ADAMTS16: variants seen among roughly 807,000 people sequenced by gnomAD.
The protein encoded by ADAMTS16 is A disintegrin and metalloproteinase with thrombospondin motifs 16.
Under a neutral mutation model 145.8 loss-of-function variants are expected in ADAMTS16, and 94 were observed. The ratio of observed to expected loss-of-function variants is 0.64; its 90% confidence interval spans 0.55 to 0.77. The LOEUF is 0.77. ADAMTS16 is among the 30% of genes least tolerant of loss of function. The pLI is 0.00. For missense variants in ADAMTS16, 1,585 were observed against 1,591.5 expected (o/e 1.00, Z 0.07); for synonymous variants, 659 against 604.3 (o/e 1.09, Z -1.33).
chr5:5,148,913 T>C (rs1336821646), intron 3 of ADAMTS16, among the ~76,000 whole-genome samples: 3 of 152,074 alleles, frequency 2.0e-5, no homozygotes, highest in Non-Finnish European at 4.4e-5. Context: ...TCTGCGTGCC[T>C]TGCTGGTAGG....
chr5:5,179,736 G>A (rs982493467), intron 3 of ADAMTS16, among the ~76,000 whole-genome samples: 1 of 152,100 alleles, frequency 6.6e-6, no homozygotes, highest in African/African-American at 2.4e-5. Flanking sequence ...TCAATCCTGG[G>A]CATAAATTCT....
chr5:5,279,901 TTTTCTTTTC>T (rs1349705838), intron 18 of ADAMTS16, among the ~76,000 whole-genome samples: 7 of 48,468 alleles, frequency 1.4e-4, no homozygotes, highest in East Asian at 1.2e-3. Flanking sequence ...TCCTTCTTTC[TTTTCTTTTC>T]TTTCTTTATT....
At chr5:5,309,827 CGTGTGT>C (rs35723690) in intron 21 of ADAMTS16, among the ~76,000 whole-genome samples, 2,556 of 146,924 alleles carry the variant, frequency 0.017, 39 homozygotes, top group Non-Finnish European at 0.027. Flanking sequence ...GTCATGTCCT[CGTGTGT>C]GTGTGTGTGT....
intron 18 of ADAMTS16, among the ~76,000 whole-genome samples, chr5:5,266,882 C>T (rs941942967): frequency 6.6e-6 from 1 of 152,182 alleles, no homozygotes; most frequent in Non-Finnish European, 1.5e-5. Context: ...GACCATAATA[C>T]AATTATTGAA....
Position 5,140,359 on chromosome 5 carries a change from G to T in ADAMTS16, c.-109G>T, listed in dbSNP as rs560728790. 2 of 1,129,982 alleles carry T rather than the reference G, an allele frequency of 1.8e-6. No homozygotes were observed. Among genetic ancestry groups the T allele is most frequent in the South Asian group, 1.8e-5 (1 of 55,828 alleles). 70.0% of individuals were successfully genotyped at this position (1,129,982 alleles called of 1,614,324 possible). ...ATAACCCCGGCGCGGCGGCGGAGTCGCTGTGGGGAATCCTCCCGCGCTCTG... is the reference window on the plus strand; with the variant it reads ...ATAACCCCGGCGCGGCGGCGGAGTCTCTGTGGGGAATCCTCCCGCGCTCTG... On this transcript the variant is annotated 5_prime_UTR_variant, in exon 1 of 23. Transcript: ENST00000274181.
intron 3 of ADAMTS16, among the ~76,000 whole-genome samples, chr5:5,164,837 C>A (rs1035172512): frequency 1.3e-5 from 2 of 151,944 alleles, no homozygotes; most frequent in African/African-American, 2.4e-5. Context: ...CCACCACGCC[C>A]GGCTAATTTT....
At chr5:5,164,329 CA>C in intron 3 of ADAMTS16, among the ~76,000 whole-genome samples, 1 of 152,310 alleles carries the variant, frequency 6.6e-6, no homozygotes, top group African/African-American at 2.4e-5. Context: ...GAAAGGGAAA[CA>C]AAGACTCTTG....
At chr5:5,236,826 C>A in intron 13 of ADAMTS16, 143 bp from the exon 14 acceptor site, 3 of 1,030,502 alleles carry the variant, frequency 2.9e-6, no homozygotes, top group African/African-American at 1.6e-5. Context: ...ATGAGGCAAC[C>A]ATTAAAAATG....
chr5:5,303,536 C>T (rs922056261), intron 19 of ADAMTS16, 36 bp from the exon 20 acceptor site: 1 of 1,609,262 alleles, frequency 6.2e-7, no homozygotes, highest in African/African-American at 1.3e-5. Context: ...TTGCACATGG[C>T]CCTCACTGGG....
At position 5,303,379 on chromosome 5, in the gene ADAMTS16, C is replaced by T; in HGVS notation, c.2901C>T (p.Ala967=). The change falls in exon 19 of 23, where the codon GCC becomes GCT. Residue 967 remains alanine, a synonymous_variant. Coordinates refer to ENST00000274181, the MANE Select transcript of ADAMTS16 (RefSeq NM_139056.4). ...RVHYDSEPVP[A]SLCPQPAPSS... is the part of the protein sequence containing the mutation. Reference sequence around the variant, plus strand: ...ACTATGACTCGGAGCCAGTCCCGGCCAGCCTGTGCCCTCAGCCTGCTCCCT... The same window carrying T: ...ACTATGACTCGGAGCCAGTCCCGGCTAGCCTGTGCCCTCAGCCTGCTCCCT... 1.2e-6 allele frequency: 2 copies of T among 1,604,084 alleles called. No individual in the cohort carries two copies. The highest frequency in any genetic ancestry group is 1.7e-6 in the Non-Finnish European group (2 of 1,176,058).
At chr5:5,292,869 T>C (rs1018888327) in intron 18 of ADAMTS16, among the ~76,000 whole-genome samples, 6 of 152,220 alleles carry the variant, frequency 3.9e-5, no homozygotes, top group Admixed American at 3.3e-4. Flanking sequence ...AGGGAGGCCC[T>C]TGATCGGGTA....
At chr5:5,250,548 C>A (rs978217972) in intron 17 of ADAMTS16, among the ~76,000 whole-genome samples, 3 of 152,114 alleles carry the variant, frequency 2.0e-5, no homozygotes, top group African/African-American at 7.2e-5. Context: ...CTGTGTGATC[C>A]CTGAGAGCTC....
rs200305303 is a variant in ADAMTS16, at chr5:5,216,368, T to TA, written c.1606-6420dup. 9.7e-3 allele frequency among the ~76,000 whole-genome samples: 1,441 copies of TA among 148,296 alleles called. 10 individuals are homozygous for TA. The highest frequency in any genetic ancestry group is 0.024 in the Middle Eastern group (7 of 292). On this transcript the variant is annotated intron_variant, in intron 10 of 22. Transcript: ENST00000274181. ...TTTGAGAATTGTCTATTCATGTCCTTAGCCCATTTTTTTTTTCTTACTGAT... is the reference window on the plus strand; with the variant it reads ...TTTGAGAATTGTCTATTCATGTCCTTAAGCCCATTTTTTTTTTCTTACTGAT...
At chr5:5,206,062 G>C (rs1347748980) in intron 9 of ADAMTS16, among the ~76,000 whole-genome samples, 5 of 152,116 alleles carry the variant, frequency 3.3e-5, no homozygotes, top group African/African-American at 9.7e-5. Flanking sequence ...TTATTTTCTA[G>C]AAGTTCTGTA....
intron 10 of ADAMTS16, among the ~76,000 whole-genome samples, chr5:5,211,072 T>A (rs1244420702): frequency 1.3e-5 from 2 of 152,196 alleles, no homozygotes; most frequent in Non-Finnish European, 2.9e-5. Context: ...TTTTCAAGAA[T>A]TGATTATCAG....
chr5:5,292,708 A>G (rs6555340), intron 18 of ADAMTS16, among the ~76,000 whole-genome samples: 104,332 of 151,756 alleles, frequency 0.69, 36,345 homozygotes, highest in African/African-American at 0.72. Flanking sequence ...CCCTGTCCTA[A>G]CAGCCCTCAT....
chr5:5,278,982 G>T (rs1738798214), intron 18 of ADAMTS16, among the ~76,000 whole-genome samples: 1 of 152,200 alleles, frequency 6.6e-6, no homozygotes, highest in Admixed American at 6.5e-5. Flanking sequence ...AGGGGGTGCA[G>T]GTTGTAGGTA....
At chr5:5,197,856 G>A (rs1735849485) in intron 8 of ADAMTS16, among the ~76,000 whole-genome samples, 1 of 152,116 alleles carries the variant, frequency 6.6e-6, no homozygotes, top group Non-Finnish European at 1.5e-5. Context: ...TGAGATTTTG[G>A]TGGGAATCAG....
At position 5,319,117 on chromosome 5, in the gene ADAMTS16, T is replaced by G. The variant is rs771085681; in HGVS notation, c.3654T>G (p.Thr1218=). Residue 1218 remains threonine (T), a synonymous_variant, in exon 23 of 23, where the codon ACT becomes ACG. Coordinates refer to ENST00000274181, the MANE Select transcript of ADAMTS16 (RefSeq NM_139056.4). ...HKFYGKQCCK[T]CSKSNL ...TCTACGGCAAGCAGTGCTGCAAGAC[T>G]TGCTCTAAGTCCAACTTGTGAGTTG... 6.2e-7 allele frequency: 1 copy of G among 1,611,908 alleles called. No homozygotes were observed. Among genetic ancestry groups the G allele is most frequent in the Non-Finnish European group, 8.5e-7 (1 of 1,179,230 alleles).
Sources: gnomAD v4.1 joint callset for allele counts (sites outside exome capture counted in the v4.1 genomes callset) on GRCh38, gnomAD v4.1.1 for gene constraint, MANE v1.5 for transcripts, NCBI Gene and HGNC (gene_info 2026-07-23, HGNC 2026-07-21) for gene names.